Variants in TAOK3 observed in about 807,000 individuals in gnomAD.
TAOK3 encodes serine/threonine-protein kinase TAO3.
In TAOK3, 40 loss-of-function variants were observed where a neutral mutation model predicts 120.4. The ratio of observed to expected loss-of-function variants is 0.33; its 90% CI spans 0.26 to 0.43. The LOEUF (loss-of-function observed/expected upper bound fraction) is 0.43. Among genes scored for constraint, TAOK3 ranks in the 20% least tolerant of loss-of-function variants. The pLI is 1.00. For synonymous variants in TAOK3, 355 were observed against 387.5 expected (o/e 0.92, Z 0.99); for missense variants, 821 against 1,112.1 (o/e 0.74, Z 3.72).
rs1028560441 is a variant in TAOK3, at chr12:118,325,259, G to A, written c.-194+47389C>T. On this transcript the variant is annotated intron_variant, in intron 1 of 20. Transcript: ENST00000392533. ...TAACTAGGAGTGGGATTTCTGGATC[G>A]TATGGTAGTTCTGCTTTTAGTTGTT... 2.0e-5 allele frequency among the ~76,000 whole-genome samples: 3 copies of A among 152,086 alleles called. No individual in the cohort carries two copies. The South Asian group carries it at 6.2e-4, about 32-fold the overall frequency.
At position 118,263,649 on chromosome 12, in the gene TAOK3, A is replaced by C. The variant is rs143610172; in HGVS notation, c.-89+3006T>G. On this transcript the variant is annotated intron_variant, in intron 2 of 20. Coordinates refer to ENST00000392533, the MANE Select transcript of TAOK3 (RefSeq NM_016281.4). Reference sequence around the variant, plus strand: ...AATTGTCAAAACTTAATAATAAGAAAATAAGAAAACCCAATTTTTTTAATG... The same window carrying C: ...AATTGTCAAAACTTAATAATAAGAACATAAGAAAACCCAATTTTTTTAATG... Among the ~76,000 whole-genome samples the C allele has an allele frequency of 3.2e-3, 490 of 152,312 alleles. 3 individuals carry two copies. The highest frequency in any genetic ancestry group is 0.012 in the African/African-American group (480 of 41,582).
At chr12:118,221,794 C>T (rs1005918025) in intron 9 of TAOK3, among the ~76,000 whole-genome samples, 1 of 151,746 alleles carries the variant, frequency 6.6e-6, no homozygotes, top group Non-Finnish European at 1.5e-5. Context: ...GCCACCACGC[C>T]CGGCTAATTT....
chr12:118,203,363 A>G (rs2038127182), intron 11 of TAOK3, among the ~76,000 whole-genome samples: 1 of 152,078 alleles, frequency 6.6e-6, no homozygotes. Context: ...TTGTTACATA[A>G]TCTGGTTTCC....
chr12:118,350,236 G>C (rs181930994), intron 1 of TAOK3, among the ~76,000 whole-genome samples: 3 of 152,142 alleles, frequency 2.0e-5, no homozygotes, highest in Non-Finnish European at 4.4e-5. Context: ...GAACAGTACA[G>C]AGTTATTTAA....
intron 9 of TAOK3, among the ~76,000 whole-genome samples, chr12:118,223,062 CTT>C (rs75334511): frequency 1.7e-4 from 21 of 120,080 alleles, no homozygotes; most frequent in African/African-American, 4.9e-4. Context: ...TTCTTTCTTT[CTT>C]TTTTTTTTTT....
intron 17 of TAOK3, among the ~76,000 whole-genome samples, chr12:118,165,709 T>G (rs2035537124): frequency 6.6e-6 from 1 of 152,200 alleles, no homozygotes; most frequent in East Asian, 1.9e-4. Context: ...CAGTACACAT[T>G]GTGAACTATC....
At chr12:118,182,850 G>C (rs2036850201) in intron 14 of TAOK3, among the ~76,000 whole-genome samples, 1 of 151,628 alleles carries the variant, frequency 6.6e-6, no homozygotes, top group African/African-American at 2.4e-5. Context: ...TTTTTGGAAG[G>C]CTACTTTTCT....
At chr12:118,243,648 C>T in intron 4 of TAOK3, 132 bp from the exon 5 acceptor site, 1 of 453,376 alleles carries the variant, frequency 2.2e-6, no homozygotes, top group Non-Finnish European at 3.8e-6. Flanking sequence ...AATGAAGAAG[C>T]TATTTAAACA....
At chr12:118,313,658 A>G (rs1252987448) in intron 1 of TAOK3, among the ~76,000 whole-genome samples, 1 of 152,228 alleles carries the variant, frequency 6.6e-6, no homozygotes, top group Admixed American at 6.5e-5. Flanking sequence ...AAGTAACCTC[A>G]TGGTAAGGTT....
chr12:118,171,420 G>A (rs2035987320), intron 17 of TAOK3, among the ~76,000 whole-genome samples: 1 of 152,162 alleles, frequency 6.6e-6, no homozygotes, highest in South Asian at 2.1e-4. Context: ...GCAGTGGCAC[G>A]ATCCTGGCTC....
intron 15 of TAOK3, 41 bp downstream of exon 15, chr12:118,181,330 G>A: frequency 6.6e-7 from 1 of 1,523,426 alleles, no homozygotes; most frequent in Non-Finnish European, 9.1e-7. Flanking sequence ...CCAACAGGCT[G>A]GGCTTGGTTG....
intron 1 of TAOK3, among the ~76,000 whole-genome samples, chr12:118,291,846 G>A (rs995945208): frequency 6.6e-6 from 1 of 151,836 alleles, no homozygotes; most frequent in Non-Finnish European, 1.5e-5. Flanking sequence ...ATGGAGTCTC[G>A]CTCTGTTGCC....
intron 2 of TAOK3, among the ~76,000 whole-genome samples, chr12:118,256,370 T>C (rs1213170216): frequency 6.6e-6 from 1 of 152,082 alleles, no homozygotes; most frequent in African/African-American, 2.4e-5. Context: ...AAATACCGAG[T>C]TACCATTTGA....
chr12:118,270,140 A>C (rs2140307699), intron 1 of TAOK3, among the ~76,000 whole-genome samples: 1 of 152,240 alleles, frequency 6.6e-6, no homozygotes, highest in East Asian at 1.9e-4. Context: ...TCCAAGCCCC[A>C]GTCCTGTATT....
intron 1 of TAOK3, among the ~76,000 whole-genome samples, chr12:118,360,132 G>A (rs2141292959): frequency 6.6e-6 from 1 of 152,046 alleles, no homozygotes; most frequent in African/African-American, 2.4e-5. Flanking sequence ...GGGCGTGGTG[G>A]CAGGAGGCCG....
At chr12:118,353,924 G>A (rs534811905) in intron 1 of TAOK3, among the ~76,000 whole-genome samples, 32 of 152,074 alleles carry the variant, frequency 2.1e-4, no homozygotes, top group East Asian at 5.8e-4. Context: ...AATTGACTGC[G>A]GGTGTCCCCT....
chr12:118,182,611 ATATATATATATATT>A (rs1352142911), intron 14 of TAOK3, among the ~76,000 whole-genome samples: 2 of 83,966 alleles, frequency 2.4e-5, no homozygotes, highest in South Asian at 3.8e-4. Flanking sequence ...ATATATATAT[ATATATATATATATT>A]TTTTTTTTTT....
chr12:118,331,303 C>T (rs974403672), intron 1 of TAOK3, among the ~76,000 whole-genome samples: 1 of 152,120 alleles, frequency 6.6e-6, no homozygotes, highest in Non-Finnish European at 1.5e-5. Flanking sequence ...CTGCCCCCAG[C>T]TGCACCATTT....
Position 118,199,133 on chromosome 12 carries a change from A to T in TAOK3, c.1112T>A (p.Met371Lys). Residue 371 changes from methionine to lysine, a missense_variant, in exon 13 of 21, where the codon ATG (methionine) becomes AAG (lysine). Around this residue, in one of 2 missense-constraint regions of TAOK3, gnomAD observed 467 missense variants for 540.0 expected, o/e 0.86. Transcript: ENST00000392533. Reference sequence around the variant, plus strand: ...GACAAGTTCGGAACTGCTCTCGTCCATGACTTCCTGCATGCTGTTCACACT... The same window carrying T: ...GACAAGTTCGGAACTGCTCTCGTCCTTGACTTCCTGCATGCTGTTCACACT... ...SSSVNSMQEV[M>K]DESSSELVMM... The T allele has an allele frequency of 6.2e-7, 1 of 1,614,182 alleles. No homozygotes were observed. Among genetic ancestry groups the T allele is most frequent in the Non-Finnish European group, 8.5e-7 (1 of 1,180,024 alleles).
Sources: gnomAD v4.1 joint callset for allele counts (sites outside exome capture counted in the v4.1 genomes callset) on GRCh38, gnomAD v4.1.1 for gene constraint, gnomAD v4.1.1 regional missense constraint, MANE v1.5 for transcripts, NCBI Gene and HGNC (gene_info 2026-07-23, HGNC 2026-07-21) for gene names.